Variants in RNF213 observed in about 807,000 individuals in gnomAD.
The protein encoded by RNF213 is E3 ubiquitin-protein ligase RNF213.
In RNF213, 341 loss-of-function variants were observed where a neutral mutation model predicts 514.4. The ratio of observed to expected loss-of-function variants is 0.66; its 90% CI spans 0.61 to 0.73. The LOEUF (loss-of-function observed/expected upper bound fraction) is 0.73. Among genes scored for constraint, RNF213 ranks in the 30% least tolerant of loss-of-function variants. The pLI is 0.00. For missense variants in RNF213, 5,767 were observed against 6,615.6 expected, an observed-to-expected ratio of 0.87 and a Z score of 4.45; for synonymous variants, 2,655 against 2,658.2, an observed-to-expected ratio of 1.00 and a Z score of 0.04.
In RNF213 at chr17:80,346,970, G is replaced by T. The variant is rs1380284336; in HGVS notation, c.8635G>T (p.Val2879Phe). ...AGACGATCCCGCCCCCCACAAAAAGGTCGGCTTCGTGGGCATCTCCAACTG... is the reference window on the plus strand; with the variant it reads ...AGACGATCCCGCCCCCCACAAAAAGTTCGGCTTCGTGGGCATCTCCAACTG... ...IEDDPAPHKK[V>F]GFVGISNWAL... The change falls in exon 29 of 68, where the codon GTC (valine) becomes TTC (phenylalanine). Residue 2879 changes from valine to phenylalanine, a missense_variant. Around this residue, in one of 13 missense-constraint regions of RNF213, gnomAD observed 919 missense variants for 1,121.0 expected, o/e 0.82. Coordinates refer to ENST00000582970, the MANE Select transcript of RNF213 (RefSeq NM_001256071.3). The surrounding 1 kb of genome is among the most constrained non-coding windows in gnomAD (Gnocchi z 8.1). The T allele has an allele frequency of 3.1e-6, 5 of 1,613,808 alleles. No homozygotes were observed. The highest frequency in any genetic ancestry group is 4.2e-6 in the Non-Finnish European group (5 of 1,179,848).
chr17:80,343,744 A>C lies in RNF213; in HGVS notation c.6184-113A>C. The C allele has an allele frequency of 9.2e-7, 1 of 1,087,648 alleles. No individual in the cohort carries two copies. The allele number at this position is 1,087,648 out of a possible 1,614,324, so 67.4% of individuals were successfully genotyped here. ...TGGGCCGTTGTTGGCTGAAATGTTG[A>C]TGTTGATCATCAGGATCATCGTGAC... On this transcript the variant is annotated intron_variant, in intron 27 of 67. Transcript: ENST00000582970. The surrounding 1 kb of genome is among the most constrained non-coding windows in gnomAD (Gnocchi z 4.3).
Position 80,348,046 on chromosome 17 carries a change from G to A in RNF213, c.9711G>A (p.Gln3237=), listed in dbSNP as rs1161433794. The A allele has an allele frequency of 6.2e-7, 1 of 1,614,206 alleles. No homozygotes were observed. The highest frequency in any genetic ancestry group is 8.5e-7 in the Non-Finnish European group (1 of 1,180,042). ...TGGTGCTGCAGGTCATAGAGAGGCA[G>A]GGTCCCCGGGCCTTGACGGAGGAAC... is the stretch of plus-strand genomic sequence containing the variant. ...ASVVLQVIER[Q]GPRALTEELH... Residue 3237 remains glutamine, a synonymous_variant, in exon 29 of 68, where the codon CAG becomes CAA. Transcript: ENST00000582970.
intron 11 of RNF213, among the ~76,000 whole-genome samples, chr17:80,303,068 C>T (rs1027968165): frequency 6.6e-6 from 1 of 152,182 alleles, no homozygotes; most frequent in Non-Finnish European, 1.5e-5. Context: ...AGAGCACCTT[C>T]CTTGTGCCAG....
At chr17:80,320,060 A>G (rs1299330383) in intron 17 of RNF213, 2 of 995,166 alleles carry the variant, frequency 2.0e-6, no homozygotes, top group Non-Finnish European at 2.4e-6. Flanking sequence ...ACATCTGTCA[A>G]AAGTTCCAGT....
intron 36 of RNF213, 134 bp from the exon 37 acceptor site, chr17:80,358,154 C>T (rs547376537): frequency 6.7e-5 from 46 of 689,746 alleles, no homozygotes; most frequent in Middle Eastern, 3.9e-4. Flanking sequence ...CAAGTTATTG[C>T]TGTCGCTGTA....
Position 80,353,519 on chromosome 17 carries a change from G to C in RNF213, c.10431G>C (p.Leu3477Phe). The C allele has an allele frequency of 6.2e-7, 1 of 1,610,402 alleles. No individual in the cohort carries two copies. The highest frequency in any genetic ancestry group is 1.1e-5 in the South Asian group (1 of 90,542). Residue 3477 changes from leucine (L) to phenylalanine (F), a missense_variant, in exon 34 of 68, where the codon TTG (leucine) becomes TTC (phenylalanine). By Grantham distance (22) the Leu-to-Phe change is conservative. Coordinates refer to ENST00000582970, the MANE Select transcript of RNF213 (RefSeq NM_001256071.3). The surrounding 1 kb of genome is among the most constrained non-coding windows in gnomAD (Gnocchi z 5.0). ...CGTTTGCTTCGACTGCAGTGGGCTT[G>C]GAACACCGGGCGGAAGACGGCCATG... ...FAPGDLPELG[L>F]EHRAEDGHEE...
intron 59 of RNF213, 65 bp downstream of exon 59, chr17:80,383,993 C>T: frequency 6.3e-7 from 1 of 1,590,864 alleles, no homozygotes; most frequent in Non-Finnish European, 8.6e-7. Flanking sequence ...GGCCTGAAGG[C>T]CCTGGGCTTT....
At chr17:80,338,549 C>T (rs2144046884) in intron 25 of RNF213, among the ~76,000 whole-genome samples, 1 of 151,886 alleles carries the variant, frequency 6.6e-6, no homozygotes, top group Middle Eastern at 3.4e-3. Flanking sequence ...TTTGGGAGCC[C>T]AAGGTGGAAG....
chr17:80,343,789 G>A lies in RNF213; in HGVS notation c.6184-68G>A. 1.3e-6 allele frequency: 2 copies of A among 1,516,914 alleles called. No homozygotes were observed. The highest frequency in any genetic ancestry group is 1.8e-6 in the Non-Finnish European group (2 of 1,092,588). The allele number at this position is 1,516,914 out of a possible 1,614,324, so 94.0% of individuals were successfully genotyped here. ...CGTGACAAAGAGCAAAATAAGGAGG[G>A]GTTACTTAGAGTTGGGAGAACTCGC... On this transcript the variant is annotated intron_variant, in intron 27 of 67. Coordinates refer to ENST00000582970, the MANE Select transcript of RNF213 (RefSeq NM_001256071.3). The surrounding 1 kb of genome is among the most constrained non-coding windows in gnomAD (Gnocchi z 4.3).
At chr17:80,334,730 CA>C (rs970024688) in intron 22 of RNF213, among the ~76,000 whole-genome samples, 2 of 151,182 alleles carry the variant, frequency 1.3e-5, no homozygotes, top group African/African-American at 4.9e-5. Flanking sequence ...GGGTTCACGC[CA>C]TTCTCTTGCC....
rs547707350 is a variant in RNF213, at chr17:80,362,757, A to T, written c.11356-345A>T. Among the ~76,000 whole-genome samples the T allele has an allele frequency of 3.9e-5, 6 of 152,368 alleles. No individual in the cohort carries two copies. The South Asian group carries it at 1.2e-3, about 32-fold the overall frequency. On this transcript the variant is annotated intron_variant, in intron 39 of 67. Coordinates refer to ENST00000582970, the MANE Select transcript of RNF213 (RefSeq NM_001256071.3). ...GATGTCCTTTTCAGCTTTGCTTCGA[A>T]AAATAAGAAATAGTTTAATTGTCCG...
intron 41 of RNF213, 146 bp downstream of exon 41, chr17:80,363,936 C>T (rs117337485): frequency 0.014 from 12,099 of 835,598 alleles, 124 homozygotes; most frequent in Middle Eastern, 0.024. Context: ...CCGCATTTGC[C>T]GAACCCTTAG....
chr17:80,295,647 G>C lies in RNF213; in HGVS notation c.1846G>C (p.Val616Leu), dbSNP rs1331837499. 6.2e-7 allele frequency: 1 copy of C among 1,614,040 alleles called. No homozygotes were observed. The highest frequency in any genetic ancestry group is 8.5e-7 in the Non-Finnish European group (1 of 1,180,012). ...STDFLPVDCP[V>L]RSKLKTGLIV... ...GGACTTTTTGCCTGTGGACTGCCCA[G>C]TGAGGAGTAAACTGAAAACAGGCCT... The change falls in exon 10 of 68, where the codon GTG becomes CTG. Residue 616 changes from valine (V) to leucine (L), a missense_variant. This residue lies in a region of RNF213 where 592 missense variants were observed against 673.9 expected (regional missense o/e 0.88). Coordinates refer to ENST00000582970, the MANE Select transcript of RNF213 (RefSeq NM_001256071.3).
chr17:80,360,301 G>A (rs1312062572), intron 38 of RNF213, 95 bp downstream of exon 38: 2 of 1,401,010 alleles, frequency 1.4e-6, no homozygotes, highest in African/African-American at 1.4e-5. Context: ...GAATTGCAAG[G>A]TGAATTTTGG....
rs72849865 is a variant in RNF213 at position 80,317,214 on chromosome 17, A to G, written c.2838A>G (p.Gln946=). Residue 946 remains glutamine (Q), a synonymous_variant, in exon 16 of 68, where the codon CAA becomes CAG. Coordinates refer to ENST00000582970, the MANE Select transcript of RNF213 (RefSeq NM_001256071.3). The surrounding 1 kb of genome is among the most constrained non-coding windows in gnomAD (Gnocchi z 4.1). ...TCTGGAGGCGGCTGGTGGAAATCCA[A>G]TTCCCCGCGGAGCATGGCTGGAAGG... is the stretch of plus-strand genomic sequence containing the variant. ...IEVWRRLVEI[Q]FPAEHGWKES... 8,878 of 1,612,672 alleles carry G rather than the reference A, an allele frequency of 5.5e-3. 32 individuals are homozygous for G. Among genetic ancestry groups the G allele is most frequent in the Non-Finnish European group, 6.3e-3 (7,458 of 1,179,810 alleles).
At position 80,363,216 on chromosome 17, in the gene RNF213, C is replaced by T. The variant is rs768762468; in HGVS notation, c.11470C>T (p.Arg3824Cys). Reference protein sequence around the residue: ...VHLAYQRFRSRLQNFSRILTI... With the variant: ...VHLAYQRFRSCLQNFSRILTI... ...CCTTGCCTACCAGCGTTTCAGAAGC[C>T]GTCTGCAGAACTTTTCCAGAATCCT... is the stretch of plus-strand genomic sequence containing the variant. The change falls in exon 40 of 68, where the codon CGT (arginine) becomes TGT (cysteine). Residue 3824 changes from arginine (R) to cysteine (C), a missense_variant. Physicochemically the swap from Arg to Cys is radical, Grantham distance 180 (BLOSUM62 -3). Around this residue, in one of 13 missense-constraint regions of RNF213, gnomAD observed 355 missense variants for 358.0 expected, o/e 0.99. Transcript: ENST00000582970. The T allele has an allele frequency of 1.2e-5, 19 of 1,614,036 alleles. No homozygotes were observed. Among genetic ancestry groups the T allele is most frequent in the Middle Eastern group, 1.6e-4 (1 of 6,084 alleles).
At position 80,376,377 on chromosome 17, in the gene RNF213, C is replaced by A. The variant is rs562503776; in HGVS notation, c.13262C>A (p.Ser4421Ter). ...CCTGATATCAGCCGTTTTGCAACAT[C>A]GCTCGTGGACAATTCTGTGCCATTG... ...SPPDISRFAT[S>*]LVDNSVPLLR... is the part of the protein sequence containing the mutation. Residue 4421 changes from serine to a stop codon, truncating the protein, a stop_gained, in exon 52 of 68, where the codon TCG (serine) becomes TAG (stop). Coordinates refer to ENST00000582970, the MANE Select transcript of RNF213 (RefSeq NM_001256071.3). LOFTEE classifies it high-confidence loss of function. 6.2e-7 allele frequency: 1 copy of A among 1,614,224 alleles called. No individual in the cohort carries two copies. Among genetic ancestry groups the A allele is most frequent in the South Asian group, 1.1e-5 (1 of 91,082 alleles).
At chr17:80,318,630 G>T (rs992933852) in intron 16 of RNF213, among the ~76,000 whole-genome samples, 1 of 152,010 alleles carries the variant, frequency 6.6e-6, no homozygotes, top group Non-Finnish European at 1.5e-5. Context: ...CTGGAGTGCA[G>T]TGGCGGGATC....
At chr17:80,321,009 C>A (rs1254279945) in intron 17 of RNF213, 2 of 152,122 alleles carry the variant, frequency 1.3e-5, no homozygotes, top group African/African-American at 4.8e-5. Context: ...CAACAAAAGT[C>A]CATCCATATT....
Sources: gnomAD v4.1 joint callset for allele counts (sites outside exome capture counted in the v4.1 genomes callset) on GRCh38, gnomAD v4.1.1 for gene constraint, gnomAD v4.1.1 regional missense constraint, Gnocchi (gnomAD v3.1) non-coding constraint, MANE v1.5 for transcripts, NCBI Gene and HGNC (gene_info 2026-07-23, HGNC 2026-07-21) for gene names.